Variants in KCND2 observed in about 807,000 individuals in gnomAD.
The protein encoded by KCND2 is potassium voltage-gated channel subfamily D member 2, also known as A-type voltage-gated potassium channel KCND2.
Under a neutral mutation model 54.4 loss-of-function variants are expected in KCND2, and 16 were observed. That is an observed-to-expected ratio of 0.29 (90% confidence interval 0.20 to 0.45). KCND2 has a LOEUF of 0.45. Among genes scored for constraint, KCND2 ranks in the 20% least tolerant of loss-of-function variants. KCND2 has a pLI of 1.00. For synonymous variants in KCND2, 317 were observed against 310.7 expected, an observed-to-expected ratio of 1.02 and a Z score of -0.21; for missense variants, 486 against 824.2, an observed-to-expected ratio of 0.59 and a Z score of 5.02.
At chr7:120,654,055 T>C (rs1483244286) in intron 1 of KCND2, among the ~76,000 whole-genome samples, 1 of 152,192 alleles carries the variant, frequency 6.6e-6, no homozygotes, top group African/African-American at 2.4e-5. Flanking sequence ...ATAATGTTTC[T>C]TGTGTAAATG....
chr7:120,666,592 A>G (rs1018597974), intron 1 of KCND2, among the ~76,000 whole-genome samples: 6 of 151,906 alleles, frequency 3.9e-5, no homozygotes, highest in Admixed American at 2.6e-4. Context: ...GAATGTTGCT[A>G]TTTCTTTTTT....
At chr7:120,482,064 G>A (rs1269604486) in intron 1 of KCND2, among the ~76,000 whole-genome samples, 3 of 152,136 alleles carry the variant, frequency 2.0e-5, no homozygotes, top group African/African-American at 7.2e-5. Flanking sequence ...ATAGGGGCAG[G>A]GTTGCCTGAG....
At chr7:120,498,573 G>A (rs773173661) in intron 1 of KCND2, among the ~76,000 whole-genome samples, 1 of 152,014 alleles carries the variant, frequency 6.6e-6, no homozygotes, top group Non-Finnish European at 1.5e-5. Flanking sequence ...TCAGGAGCTT[G>A]ATACCAGCCT....
chr7:120,528,321 G>T (rs1376097826), intron 1 of KCND2, among the ~76,000 whole-genome samples: 1 of 152,004 alleles, frequency 6.6e-6, no homozygotes, highest in Non-Finnish European at 1.5e-5. Context: ...GGAAGGAAAA[G>T]AACTTGTTAC....
At chr7:120,568,761 T>C (rs1792328970) in intron 1 of KCND2, among the ~76,000 whole-genome samples, 1 of 152,146 alleles carries the variant, frequency 6.6e-6, no homozygotes, top group Admixed American at 6.6e-5. Flanking sequence ...AGGTGGTACT[T>C]CATAGGGTTG....
chr7:120,678,205 C>T (rs1055723976), intron 1 of KCND2, among the ~76,000 whole-genome samples: 26 of 151,744 alleles, frequency 1.7e-4, no homozygotes, highest in African/African-American at 5.5e-4. Flanking sequence ...TTAGCAAGAA[C>T]ATCGCTTACA....
intron 1 of KCND2, among the ~76,000 whole-genome samples, chr7:120,535,424 T>C (rs566948965): frequency 6.6e-6 from 1 of 152,298 alleles, no homozygotes; most frequent in South Asian, 2.1e-4. Context: ...CAACATTTAG[T>C]TGAGGACATG....
intron 1 of KCND2, among the ~76,000 whole-genome samples, chr7:120,339,006 G>T (rs1450678642): frequency 4.0e-5 from 6 of 151,494 alleles, no homozygotes; most frequent in East Asian, 1.9e-4. Flanking sequence ...TCAGCCTCCT[G>T]AGTAGCTGGG....
intron 1 of KCND2, among the ~76,000 whole-genome samples, chr7:120,439,664 C>T (rs1198401610): frequency 1.3e-5 from 2 of 152,036 alleles, no homozygotes; most frequent in African/African-American, 4.8e-5. Flanking sequence ...CCTCTCCTCT[C>T]CCATATCCTT....
At chr7:120,710,784 A>G (rs1272636904) in intron 1 of KCND2, among the ~76,000 whole-genome samples, 1 of 152,078 alleles carries the variant, frequency 6.6e-6, no homozygotes, top group East Asian at 1.9e-4. Flanking sequence ...ATAGCTAATC[A>G]ATGGCAGCAT....
chr7:120,364,751 C>T (rs889966576), intron 1 of KCND2, among the ~76,000 whole-genome samples: 8 of 152,000 alleles, frequency 5.3e-5, no homozygotes, highest in Non-Finnish European at 1.0e-4. Context: ...CAAACATCAC[C>T]TGGGGAGTGG....
intron 1 of KCND2, among the ~76,000 whole-genome samples, chr7:120,438,785 T>C (rs1801906988): frequency 6.6e-6 from 1 of 152,180 alleles, no homozygotes; most frequent in Non-Finnish European, 1.5e-5. Context: ...GCATTAATAA[T>C]CAGATTTTAT....
At position 120,595,591 on chromosome 7, in the gene KCND2, G is replaced by GTGTATA. The variant is rs370024431; in HGVS notation, c.1116-137311_1116-137310insGTATAT. On this transcript the variant is annotated intron_variant, in intron 1 of 5. Coordinates refer to ENST00000331113, the MANE Select transcript of KCND2 (RefSeq NM_012281.3). ...TGTGTGTATATATATGTGTGTGTGT[G>GTGTATA]TATATATATATATATATATATACAC... Among the ~76,000 whole-genome samples the GTGTATA allele has an allele frequency of 3.3e-3, 433 of 131,884 alleles. 3 individuals are homozygous for GTGTATA. Among genetic ancestry groups the GTGTATA allele is most frequent in the South Asian group, 4.4e-3 (18 of 4,126 alleles). 86.5% of individuals were successfully genotyped at this position (131,884 alleles called of 152,430 possible). A position where few individuals can be genotyped will look rare whatever the true frequency, so the allele number is the denominator to read the frequency against.
At chr7:120,341,512 T>C (rs1800239131) in intron 1 of KCND2, among the ~76,000 whole-genome samples, 1 of 152,124 alleles carries the variant, frequency 6.6e-6, no homozygotes, top group Non-Finnish European at 1.5e-5. Flanking sequence ...TGGCATCAAA[T>C]GACTGCTAGA....
chr7:120,444,125 G>GGT (rs1378937261), intron 1 of KCND2, among the ~76,000 whole-genome samples: 1 of 152,038 alleles, frequency 6.6e-6, no homozygotes, highest in Non-Finnish European at 1.5e-5. Context: ...GAATGGCAAA[G>GGT]GTGATTCCTA....
chr7:120,457,439 T>A (rs1252254232), intron 1 of KCND2, among the ~76,000 whole-genome samples: 26 of 152,158 alleles, frequency 1.7e-4, no homozygotes, highest in Admixed American at 1.7e-3. Context: ...CCCTAAATCA[T>A]CTCTCTCAAG....
At chr7:120,473,435 A>G (rs535228946) in intron 1 of KCND2, among the ~76,000 whole-genome samples, 22 of 152,280 alleles carry the variant, frequency 1.4e-4, no homozygotes, top group Middle Eastern at 3.4e-3. Flanking sequence ...GGTTTCCTCC[A>G]TGATCATTTG....
At chr7:120,599,638 A>C (rs1792789747) in intron 1 of KCND2, among the ~76,000 whole-genome samples, 2 of 152,080 alleles carry the variant, frequency 1.3e-5, no homozygotes, top group Admixed American at 6.6e-5. Flanking sequence ...GCAAGTATAC[A>C]AAAATAAAAT....
At chr7:120,488,686 C>A (rs1802728677) in intron 1 of KCND2, among the ~76,000 whole-genome samples, 1 of 151,980 alleles carries the variant, frequency 6.6e-6, no homozygotes. Flanking sequence ...TTCTGTGTCC[C>A]CCTTTATTAT....
Sources: gnomAD v4.1 joint callset for allele counts (sites outside exome capture counted in the v4.1 genomes callset) on GRCh38, gnomAD v4.1.1 for gene constraint, MANE v1.5 for transcripts, NCBI Gene and HGNC (gene_info 2026-07-23, HGNC 2026-07-21) for gene names.